The following ASIC1 variants were observed in gnomAD, a reference collection of about 807,000 sequenced individuals.
The protein encoded by ASIC1 is acid sensing ion channel subunit 1.
In ASIC1, 21 loss-of-function variants were observed where a neutral mutation model predicts 63.4. The ratio of observed to expected loss-of-function variants is 0.33; its 90% CI spans 0.23 to 0.48. The LOEUF (loss-of-function observed/expected upper bound fraction) is 0.48, where lower values mean the gene tolerates loss of function less well. ASIC1 is among the 20% of genes least tolerant of loss of function. ASIC1 has a pLI of 0.99. For missense variants in ASIC1, 478 were observed against 695.5 expected, an observed-to-expected ratio of 0.69 and a Z score of 3.52; for synonymous variants, 258 against 278.2, an observed-to-expected ratio of 0.93 and a Z score of 0.72.
Position 50,077,996 on chromosome 12 carries a change from C to G in ASIC1, c.710-4C>G. On this transcript the variant is annotated splice_region_variant and splice_polypyrimidine_tract_variant and intron_variant, in intron 4 of 11. Transcript: ENST00000447966. ...CCCAACCCACACACTCCTCATTCCC[C>G]TAGACGAGACGTCCTTCGAAGCAGG... 6.2e-7 allele frequency: 1 copy of G among 1,608,824 alleles called. No individual in the cohort carries two copies. The highest frequency in any genetic ancestry group is 8.5e-7 in the Non-Finnish European group (1 of 1,177,004).
intron 9 of ASIC1, chr12:50,080,803 G>T (rs1950707731): frequency 7.4e-7 from 1 of 1,344,060 alleles, no homozygotes; most frequent in Non-Finnish European, 1.0e-6. Flanking sequence ...CTGTGGGCAT[G>T]AGGGAGGGGT....
At position 50,074,306 on chromosome 12, in the gene ASIC1, T is replaced by A; in HGVS notation, c.559-2907T>A. On this transcript the variant is annotated intron_variant, in intron 3 of 11. Transcript: ENST00000447966. This position sits in a 1 kb window ranked among gnomAD's most constrained non-coding sequence, Gnocchi z 4.2. Reference sequence around the variant, plus strand: ...AGTGTCTGCCATGGCTGTCCCTGACTGTCACCTCCTGGGGTTGGGGCTGGG... The same window carrying A: ...AGTGTCTGCCATGGCTGTCCCTGACAGTCACCTCCTGGGGTTGGGGCTGGG... The A allele has an allele frequency of 7.0e-7, 1 of 1,428,778 alleles. No individual in the cohort carries two copies. Among genetic ancestry groups the A allele is most frequent in the Non-Finnish European group, 9.1e-7 (1 of 1,094,202 alleles). The allele number at this position is 1,428,778 out of a possible 1,614,324, so 88.5% of individuals were successfully genotyped here.
Position 50,058,995 on chromosome 12 carries a change from C to T in ASIC1, c.229C>T (p.Leu77Phe), listed in dbSNP as rs1468565890. Residue 77 changes from leucine to phenylalanine, a missense_variant, in exon 2 of 12, where the codon CTC (leucine) becomes TTC (phenylalanine). Coordinates refer to ENST00000447966, the MANE Select transcript of ASIC1 (RefSeq NM_001095.4). ...CTTCCACTACCACCATGTCACCAAG[C>T]TCGACGAGGTGGCTGCCTCTCAGCT... is the stretch of plus-strand genomic sequence containing the variant. ...YYFHYHHVTK[L>F]DEVAASQLTF... The T allele has an allele frequency of 6.2e-7, 1 of 1,614,220 alleles. No individual in the cohort carries two copies. Among genetic ancestry groups the T allele is most frequent in the Admixed American group, 1.7e-5 (1 of 60,032 alleles).
At chr12:50,073,901 AG>A (rs1414997996) in intron 3 of ASIC1, 3 of 1,534,938 alleles carry the variant, frequency 2.0e-6, no homozygotes, top group African/African-American at 2.7e-5. Context: ...TTCCTGTGCC[AG>A]GTAGGGGACC....
chr12:50,081,427 T>TTCCCCCCCCC, intron 11 of ASIC1, 63 bp downstream of exon 11: 1 of 1,411,166 alleles, frequency 7.1e-7, no homozygotes, highest in Non-Finnish European at 9.6e-7. Context: ...AGGAACCCCG[T>TTCCCCCCCCC]CCACCCCCGC....
In ASIC1 at chr12:50,059,853, A is replaced by G; in HGVS notation, c.457A>G (p.Asn153Asp). 1.2e-6 allele frequency: 2 copies of G among 1,614,188 alleles called. No individual in the cohort carries two copies. The highest frequency in any genetic ancestry group is 1.6e-4 in the Middle Eastern group (1 of 6,062). ...CCGCAGCTTCAAACCCAAACCCTTC[A>G]ACATGCGTGAGTTCTACGACCGAGC... is the stretch of plus-strand genomic sequence containing the variant. ...NFRSFKPKPF[N>D]MREFYDRAGH... Residue 153 changes from asparagine to aspartate, a missense_variant, in exon 3 of 12, where the codon AAC becomes GAC. By Grantham distance (23) the Asn-to-Asp change is conservative. Around this residue, in one of 3 missense-constraint regions of ASIC1, gnomAD observed 290 missense variants for 414.9 expected, o/e 0.70. Coordinates refer to ENST00000447966, the MANE Select transcript of ASIC1 (RefSeq NM_001095.4). The surrounding 1 kb of genome is among the most constrained non-coding windows in gnomAD (Gnocchi z 4.6).
chr12:50,071,266 C>CTTTTTTTT lies in ASIC1; in HGVS notation c.559-5936_559-5929dup, dbSNP rs34556615. ...GAGGTGGAGGGTACATTGCTTTCAG[C>CTTTTTTTT]TTTTTTTTTTTTTTTTTTGAGACGG... On this transcript the variant is annotated intron_variant, in intron 3 of 11. Coordinates refer to ENST00000447966, the MANE Select transcript of ASIC1 (RefSeq NM_001095.4). Among the ~76,000 whole-genome samples the CTTTTTTTT allele has an allele frequency of 4.8e-3, 573 of 119,770 alleles. 21 individuals carry two copies. Among genetic ancestry groups the CTTTTTTTT allele is most frequent in the African/African-American group, 0.018 (543 of 30,758 alleles). The allele number at this position is 119,770 out of a possible 152,430, so 78.6% of individuals were successfully genotyped here.
At position 50,058,876 on chromosome 12, in the gene ASIC1, A is replaced by AGCGGCTGTCTCTGAAGCGG; in HGVS notation, c.113_131dup (p.Leu45AlafsTer63). 4 of 1,613,980 alleles carry AGCGGCTGTCTCTGAAGCGG rather than the reference A, an allele frequency of 2.5e-6. No homozygotes were observed. Among genetic ancestry groups the AGCGGCTGTCTCTGAAGCGG allele is most frequent in the Non-Finnish European group, 3.4e-6 (4 of 1,179,968 alleles). ...GGCCTGGCCCACATCTTCTCCTACGAGCGGCTGTCTCTGAAGCGGGCACTG... is the reference window on the plus strand; with the variant it reads ...GGCCTGGCCCACATCTTCTCCTACGAGCGGCTGTCTCTGAAGCGGGCGGCTGTCTCTGAAGCGGGCACTG... On this transcript the variant is annotated frameshift_variant, in exon 2 of 12. Transcript: ENST00000447966. LOFTEE classifies it high-confidence loss of function.
intron 3 of ASIC1, among the ~76,000 whole-genome samples, chr12:50,068,042 C>T (rs1322288497): frequency 6.6e-6 from 1 of 152,154 alleles, no homozygotes; most frequent in African/African-American, 2.4e-5. Context: ...AAGAGTTAAC[C>T]ACTGTTCTAA....
chr12:50,073,831 G>A lies in ASIC1; in HGVS notation c.559-3382G>A, dbSNP rs951505044. 3.9e-6 allele frequency: 6 copies of A among 1,531,510 alleles called. No homozygotes were observed. In the Admixed American group the frequency reaches 9.8e-5, roughly 25 times the overall value. 94.9% of individuals were successfully genotyped at this position (1,531,510 alleles called of 1,614,324 possible). ...TGGCACCAACCACATTTTTGTGGAG[G>A]GGGGTCCAGGGCCAAGGCAGGTGCT... is the stretch of plus-strand genomic sequence containing the variant. On this transcript the variant is annotated intron_variant, in intron 3 of 11. Transcript: ENST00000447966.
chr12:50,078,223 G>A lies in ASIC1; in HGVS notation c.837+96G>A, dbSNP rs1223927746. ...GTAATGGGAAGGACAGGTGAGCAAGGACCTGGGTGGTAATCTGGCTAGTCA... is the reference window on the plus strand; with the variant it reads ...GTAATGGGAAGGACAGGTGAGCAAGAACCTGGGTGGTAATCTGGCTAGTCA... On this transcript the variant is annotated intron_variant, in intron 5 of 11. Transcript: ENST00000447966. This position sits in a 1 kb window ranked among gnomAD's most constrained non-coding sequence, Gnocchi z 6.0. 1.3e-6 allele frequency: 2 copies of A among 1,539,428 alleles called. No homozygotes were observed. The highest frequency in any genetic ancestry group is 1.7e-6 in the Non-Finnish European group (2 of 1,144,562).
chr12:50,061,919 A>G (rs2137810133), intron 3 of ASIC1, among the ~76,000 whole-genome samples: 1 of 152,160 alleles, frequency 6.6e-6, no homozygotes, highest in African/African-American at 2.4e-5. Context: ...TATTCCTCTT[A>G]CTCAGGGGTA....
chr12:50,077,469 C>A (rs141348704), intron 4 of ASIC1, 106 bp downstream of exon 4: 33 of 1,464,390 alleles, frequency 2.3e-5, no homozygotes, highest in Middle Eastern at 4.1e-4. Flanking sequence ...CGGGCTTTCC[C>A]CTCTCCCTCC....
chr12:50,068,745 G>A (rs751572607), intron 3 of ASIC1, among the ~76,000 whole-genome samples: 7 of 151,218 alleles, frequency 4.6e-5, no homozygotes, highest in East Asian at 1.9e-4. Context: ...TGTTCACCCC[G>A]TCATGCAAAC....
At chr12:50,073,425 A>C in intron 3 of ASIC1, 1 of 1,375,898 alleles carries the variant, frequency 7.3e-7, no homozygotes, top group Non-Finnish European at 9.5e-7. Flanking sequence ...ACTGCCACAG[A>C]GGCCCTGGTG....
rs1317341317 is a variant in ASIC1 at position 50,074,121 on chromosome 12, G to A, written c.559-3092G>A. 3.3e-6 allele frequency: 5 copies of A among 1,535,658 alleles called. No homozygotes were observed. The highest frequency in any genetic ancestry group is 2.4e-5 in the East Asian group (1 of 40,922). ...TGCCCCTCGCTCCACCGGGCCCTGA[G>A]GCCTTCTCTGGGGAGCCCTTTAACC... On this transcript the variant is annotated intron_variant, in intron 3 of 11. Transcript: ENST00000447966. This position sits in a 1 kb window ranked among gnomAD's most constrained non-coding sequence, Gnocchi z 4.2.
Position 50,059,720 on chromosome 12 carries a change from A to T in ASIC1, c.363-39A>T. On this transcript the variant is annotated intron_variant, in intron 2 of 11. Transcript: ENST00000447966. This position sits in a 1 kb window ranked among gnomAD's most constrained non-coding sequence, Gnocchi z 4.6. ...CCAAGTTGGGTGCAGGACACTGATGACTGTACTGACCCGTGTGTCACTCAC... is the reference window on the plus strand; with the variant it reads ...CCAAGTTGGGTGCAGGACACTGATGTCTGTACTGACCCGTGTGTCACTCAC... 6.3e-7 allele frequency: 1 copy of T among 1,594,056 alleles called. No individual in the cohort carries two copies. Among genetic ancestry groups the T allele is most frequent in the Non-Finnish European group, 8.6e-7 (1 of 1,169,318 alleles).
intron 3 of ASIC1, among the ~76,000 whole-genome samples, chr12:50,066,364 A>G (rs1950545691): frequency 6.6e-6 from 1 of 152,122 alleles, no homozygotes. Flanking sequence ...GTGTGGCTGT[A>G]GGAGTGTGTA....
chr12:50,070,677 C>G (rs1340345277), intron 3 of ASIC1: 3 of 152,232 alleles, frequency 2.0e-5, no homozygotes, highest in Non-Finnish European at 2.9e-5. Flanking sequence ...GGACAGTGCC[C>G]TCTAGTGGGA....
Sources: gnomAD v4.1 joint callset for allele counts (sites outside exome capture counted in the v4.1 genomes callset) on GRCh38, gnomAD v4.1.1 for gene constraint, gnomAD v4.1.1 regional missense constraint, Gnocchi (gnomAD v3.1) non-coding constraint, MANE v1.5 for transcripts, NCBI Gene and HGNC (gene_info 2026-07-23, HGNC 2026-07-21) for gene names.